KLHL42: variants seen among roughly 807,000 people sequenced by gnomAD.
KLHL42 encodes the protein kelch like family member 42, also known as kelch-like protein 42.
A neutral mutation model predicts 32.7 loss-of-function variants in KLHL42; 27 were observed. The ratio of observed to expected loss-of-function variants is 0.83; its 90% CI spans 0.61 to 1.14. The LOEUF is 1.14. Ranked by LOEUF, KLHL42 falls within the 50% of genes most tolerant of loss-of-function variation. The pLI, the probability that KLHL42 is intolerant of heterozygous loss-of-function variation, is 0.00. For missense variants in KLHL42, 491 were observed against 560.8 expected, an observed-to-expected ratio of 0.88 and a Z score of 1.26; for synonymous variants, 267 against 248.2, an observed-to-expected ratio of 1.08 and a Z score of -0.71.
rs1454568216 is a variant in KLHL42, at chr12:27,780,392, G to T, written c.62G>T (p.Arg21Met). 2.5e-6 allele frequency: 4 copies of T among 1,578,290 alleles called. No individual in the cohort carries two copies. The highest frequency in any genetic ancestry group is 2.6e-6 in the Non-Finnish European group (3 of 1,164,188). Residue 21 changes from arginine to methionine, a missense_variant, in exon 1 of 3, where the codon AGG (arginine) becomes ATG (methionine). Coordinates refer to ENST00000381271, the MANE Select transcript of KLHL42 (RefSeq NM_020782.2). The surrounding 1 kb of genome is among the most constrained non-coding windows in gnomAD (Gnocchi z 8.8). ...LEDRCYPVSK[R>M]KLIEQSDYFR... Reference sequence around the variant, plus strand: ...GACCGCTGCTACCCGGTGAGCAAGAGGAAGCTCATCGAGCAGAGCGACTAC... The same window carrying T: ...GACCGCTGCTACCCGGTGAGCAAGATGAAGCTCATCGAGCAGAGCGACTAC...
chr12:27,799,544 T>C lies in KLHL42; in HGVS notation c.*1378T>C, dbSNP rs952168176. The C allele has an allele frequency of 4.6e-5, 7 of 151,950 alleles. No homozygotes were observed. Among genetic ancestry groups the C allele is most frequent in the Admixed American group, 1.3e-4 (2 of 15,246 alleles). The allele number at this position is 151,950 out of a possible 1,614,324, so 9.4% of individuals were successfully genotyped here. A position where few individuals can be genotyped will look rare whatever the true frequency, so the allele number is the denominator to read the frequency against. On this transcript the variant is annotated 3_prime_UTR_variant, in exon 3 of 3. Transcript: ENST00000381271. ...TGTGCCTCACTTTAAGAAAGTCCTGTAGGGGAAAAAAAAAACTGTCAGAGC... is the reference window on the plus strand; with the variant it reads ...TGTGCCTCACTTTAAGAAAGTCCTGCAGGGGAAAAAAAAAACTGTCAGAGC...
rs1008198298 is a variant in KLHL42, at chr12:27,799,158, T to A, written c.*992T>A. 3.3e-5 allele frequency: 5 copies of A among 152,618 alleles called. No individual in the cohort carries two copies. The South Asian group carries it at 6.2e-4, about 19-fold the overall frequency. The allele number at this position is 152,618 out of a possible 1,614,324, so 9.5% of individuals were successfully genotyped here. ...CTTTGTAATTCATGTTTTGCTTTTG[T>A]GGACTAAGGTAAGGACAGCATTTAA... On this transcript the variant is annotated 3_prime_UTR_variant, in exon 3 of 3. Coordinates refer to ENST00000381271, the MANE Select transcript of KLHL42 (RefSeq NM_020782.2).
rs1203332829 is a variant in KLHL42 at position 27,780,944 on chromosome 12, G to T, written c.614G>T (p.Gly205Val). Residue 205 changes from glycine to valine, a missense_variant, in exon 1 of 3, where the codon GGA becomes GTA. Coordinates refer to ENST00000381271, the MANE Select transcript of KLHL42 (RefSeq NM_020782.2). This position sits in a 1 kb window ranked among gnomAD's most constrained non-coding sequence, Gnocchi z 8.8. ...GTGGCCCTCGGGGACTTCCTGGGGG[G>T]ACCCCTGGCCCCTCACCCCTACCAG... ...VLVALGDFLG[G>V]PLAPHPYQGE... The T allele has an allele frequency of 6.2e-7, 1 of 1,603,050 alleles. No individual in the cohort carries two copies. The highest frequency in any genetic ancestry group is 8.5e-7 in the Non-Finnish European group (1 of 1,172,040).
chr12:27,794,300 C>T (rs998587934), intron 2 of KLHL42, among the ~76,000 whole-genome samples: 7 of 152,070 alleles, frequency 4.6e-5, no homozygotes, highest in African/African-American at 1.4e-4. Flanking sequence ...TCTGGTAGCT[C>T]GGGGCTCCTT....
rs2062141384 is a variant in KLHL42 at position 27,780,503 on chromosome 12, G to A, written c.173G>A (p.Ser58Asn). 1.3e-6 allele frequency: 2 copies of A among 1,541,750 alleles called. No homozygotes were observed. Among genetic ancestry groups the A allele is most frequent in the Non-Finnish European group, 1.7e-6 (2 of 1,145,804 alleles). Residue 58 changes from serine (S) to asparagine (N), a missense_variant, in exon 1 of 3, where the codon AGC becomes AAC. Ser to Asn is a conservative substitution (Grantham distance 46). This residue lies in a region of KLHL42 where 88 missense variants were observed against 89.0 expected (regional missense o/e 0.99). Coordinates refer to ENST00000381271, the MANE Select transcript of KLHL42 (RefSeq NM_020782.2). The surrounding 1 kb of genome is among the most constrained non-coding windows in gnomAD (Gnocchi z 8.8). ...GPEVQQLRGL[S>N]APGLRLVLDF... is the part of the protein sequence containing the mutation. The stretch of plus-strand genomic sequence containing the variant: ...GAGGTGCAGCAGCTGCGCGGCCTCA[G>A]CGCGCCGGGCCTGCGGCTGGTGCTG...
rs1438620400 is a variant in KLHL42 at position 27,798,849 on chromosome 12, CTTATT to C, written c.*690_*694del. On this transcript the variant is annotated 3_prime_UTR_variant, in exon 3 of 3. Coordinates refer to ENST00000381271, the MANE Select transcript of KLHL42 (RefSeq NM_020782.2). ...CTGGATAAATAGACTGATAAAACCTCTTATTTTATTTATGTGGCAGGTTGCATATT... is the reference window on the plus strand; with the variant it reads ...CTGGATAAATAGACTGATAAAACCTCTTATTTATGTGGCAGGTTGCATATT... 1.3e-5 allele frequency: 2 copies of C among 152,326 alleles called. No individual in the cohort carries two copies. Among genetic ancestry groups the C allele is most frequent in the East Asian group, 1.9e-4 (1 of 5,198 alleles). 9.4% of individuals were successfully genotyped at this position (152,326 alleles called of 1,614,324 possible). A position where few individuals can be genotyped will look rare whatever the true frequency, so the allele number is the denominator to read the frequency against.
chr12:27,789,651 A>G (rs1281532374), intron 1 of KLHL42, among the ~76,000 whole-genome samples: 2 of 152,230 alleles, frequency 1.3e-5, no homozygotes, highest in African/African-American at 4.8e-5. Context: ...GGGAAAATTT[A>G]GTGCTTGTTT....
At chr12:27,785,132 C>T (rs559075974) in intron 1 of KLHL42, among the ~76,000 whole-genome samples, 147 of 152,326 alleles carry the variant, frequency 9.7e-4, no homozygotes, top group African/African-American at 3.3e-3. Flanking sequence ...AGGGCTCCAC[C>T]TCTCAACCAT....
intron 2 of KLHL42, chr12:27,797,346 G>T (rs2062223599): frequency 2.1e-6 from 1 of 467,534 alleles, no homozygotes; most frequent in Non-Finnish European, 4.3e-6. Flanking sequence ...GTATTAAGTA[G>T]TCGGTAATTT....
At position 27,801,440 on chromosome 12, in the gene KLHL42, G is replaced by T. The variant is rs1397334288; in HGVS notation, c.*3274G>T. 6.6e-6 allele frequency: 1 copy of T among 152,192 alleles called. No individual in the cohort carries two copies. Among genetic ancestry groups the T allele is most frequent in the African/African-American group, 2.4e-5 (1 of 41,438 alleles). 9.4% of individuals were successfully genotyped at this position (152,192 alleles called of 1,614,324 possible). Reference sequence around the variant, plus strand: ...CCAAAGACGTAAATTGAGAGGAAAGGCCTTGGTCTTCCTGATCAACCAGCA... The same window carrying T: ...CCAAAGACGTAAATTGAGAGGAAAGTCCTTGGTCTTCCTGATCAACCAGCA... On this transcript the variant is annotated 3_prime_UTR_variant, in exon 3 of 3. Transcript: ENST00000381271.
At chr12:27,788,855 G>A (rs2062184607) in intron 1 of KLHL42, among the ~76,000 whole-genome samples, 1 of 152,146 alleles carries the variant, frequency 6.6e-6, no homozygotes, top group Admixed American at 6.5e-5. Flanking sequence ...CTTGTTACTT[G>A]GTCTTGAAAT....
At chr12:27,787,880 T>C (rs2062179957) in intron 1 of KLHL42, 1 of 152,270 alleles carries the variant, frequency 6.6e-6, no homozygotes, top group African/African-American at 2.4e-5. Context: ...GAAAGAAAAC[T>C]GTACGTCTAT....
intron 2 of KLHL42, chr12:27,792,274 A>C: frequency 5.9e-6 from 1 of 169,464 alleles, no homozygotes; most frequent in East Asian, 1.6e-4. Context: ...TTATCTGGGA[A>C]CTCCCATCCT....
chr12:27,798,760 C>T lies in KLHL42; in HGVS notation c.*594C>T, dbSNP rs1230443966. The T allele has an allele frequency of 6.6e-6, 1 of 151,896 alleles. No homozygotes were observed. Among genetic ancestry groups the T allele is most frequent in the East Asian group, 1.9e-4 (1 of 5,196 alleles). The allele number at this position is 151,896 out of a possible 1,614,324, so 9.4% of individuals were successfully genotyped here. A position where few individuals can be genotyped will look rare whatever the true frequency, so the allele number is the denominator to read the frequency against. ...AGTGAATCCTTACCAGTGTTCAGTCCTCCCCAAAACTTGCATAAAAATATT... is the reference window on the plus strand; with the variant it reads ...AGTGAATCCTTACCAGTGTTCAGTCTTCCCCAAAACTTGCATAAAAATATT... On this transcript the variant is annotated 3_prime_UTR_variant, in exon 3 of 3. Coordinates refer to ENST00000381271, the MANE Select transcript of KLHL42 (RefSeq NM_020782.2).
chr12:27,783,244 A>T (rs193136994), intron 1 of KLHL42, among the ~76,000 whole-genome samples: 1 of 152,280 alleles, frequency 6.6e-6, no homozygotes, highest in Non-Finnish European at 1.5e-5. Context: ...TATCATCTTG[A>T]CGCTGAGTAG....
At chr12:27,784,543 A>AC (rs1289174913) in intron 1 of KLHL42, among the ~76,000 whole-genome samples, 6 of 152,082 alleles carry the variant, frequency 3.9e-5, no homozygotes, top group African/African-American at 1.2e-4. Flanking sequence ...GAGCCCAGGA[A>AC]CTGAAGGCTG....
At position 27,798,171 on chromosome 12, in the gene KLHL42, A is replaced by G. The variant is rs777509688; in HGVS notation, c.*5A>G. 10 of 771,618 alleles carry G rather than the reference A, an allele frequency of 1.3e-5. No homozygotes were observed. The highest frequency in any genetic ancestry group is 8.6e-5 in the Admixed American group (5 of 58,076). 47.8% of individuals were successfully genotyped at this position (771,618 alleles called of 1,614,324 possible). ...CCCAATAAAGCAGAAACATGACTGA[A>G]TTGAATTGGTAGATGAAAAAAACCT... On this transcript the variant is annotated 3_prime_UTR_variant, in exon 3 of 3. Coordinates refer to ENST00000381271, the MANE Select transcript of KLHL42 (RefSeq NM_020782.2).
At position 27,798,492 on chromosome 12, in the gene KLHL42, G is replaced by C. The variant is rs992449051; in HGVS notation, c.*326G>C. 8.2e-5 allele frequency: 21 copies of C among 255,924 alleles called. No individual in the cohort carries two copies. The highest frequency in any genetic ancestry group is 1.4e-4 in the Non-Finnish European group (18 of 133,116). 15.9% of individuals were successfully genotyped at this position (255,924 alleles called of 1,614,324 possible). ...GGTAAAGGGCCAAAGTCAATAATTG[G>C]GACAAATGGTAAAGATGATTTTAAA... On this transcript the variant is annotated 3_prime_UTR_variant, in exon 3 of 3. Coordinates refer to ENST00000381271, the MANE Select transcript of KLHL42 (RefSeq NM_020782.2).
intron 1 of KLHL42, among the ~76,000 whole-genome samples, chr12:27,787,066 T>C (rs780701398): frequency 1.3e-5 from 2 of 152,040 alleles, no homozygotes; most frequent in African/African-American, 4.8e-5. Flanking sequence ...CTGGAGAAGA[T>C]AGTGGGTGCT....
Sources: allele counts gnomAD v4.1 joint callset (sites outside exome capture counted in the v4.1 genomes callset), GRCh38; gene constraint gnomAD v4.1.1; regional missense constraint gnomAD v4.1.1; non-coding constraint Gnocchi (gnomAD v3.1); transcripts MANE v1.5; gene names NCBI Gene and HGNC (gene_info 2026-07-23, HGNC 2026-07-21).